The following STK3 variants were observed in gnomAD, a reference collection of about 807,000 sequenced individuals.
STK3 encodes serine/threonine kinase 3, also known as serine/threonine-protein kinase 3.
STK3 carries 41 observed loss-of-function variants against 58.0 expected under a neutral mutation model. That is an observed-to-expected ratio of 0.71 (90% CI 0.55 to 0.92). STK3 has a LOEUF of 0.92. STK3 is among the 40% of genes least tolerant of loss of function. The pLI is 0.00. For synonymous variants in STK3, 170 were observed against 191.0 expected (o/e 0.89, Z 0.91); for missense variants, 479 against 602.7 (o/e 0.79, Z 2.15).
At chr8:98,374,112 G>A (rs973861389) in intron 2 of STK3, among the ~76,000 whole-genome samples, 1 of 152,202 alleles carries the variant, frequency 6.6e-6, no homozygotes, top group South Asian at 2.1e-4. Flanking sequence ...TGAAGCAAAC[G>A]TTTGTATTAT....
At chr8:98,590,301 T>C (rs1815177044) in intron 7 of STK3, among the ~76,000 whole-genome samples, 1 of 152,220 alleles carries the variant, frequency 6.6e-6, no homozygotes, top group African/African-American at 2.4e-5. Flanking sequence ...AGCCTCAATG[T>C]GCCCTGATGC....
At chr8:98,879,622 C>A (rs1837719725), downstream of STK3, 1 of 152,210 alleles carries the variant, frequency 6.6e-6, no homozygotes, top group Non-Finnish European at 1.5e-5. Flanking sequence ...CTATGTCAAT[C>A]CAATCAGCCT....
At chr8:98,701,704 TCA>T (rs1206994200) in intron 6 of STK3, among the ~76,000 whole-genome samples, 2 of 151,468 alleles carry the variant, frequency 1.3e-5, no homozygotes, top group African/African-American at 2.4e-5. Context: ...TCTCTCTCTC[TCA>T]CACTCACTTC....
intron 6 of STK3, among the ~76,000 whole-genome samples, chr8:98,603,077 T>C (rs745350186): frequency 6.6e-6 from 1 of 152,142 alleles, no homozygotes; most frequent in Non-Finnish European, 1.5e-5. Flanking sequence ...TCTGGGTATC[T>C]TGCTAGGCCA....
At chr8:98,431,718 G>T (rs907705789) in intron 3 of STK3, 1 of 167,086 alleles carries the variant, frequency 6.0e-6, no homozygotes, top group Non-Finnish European at 1.5e-5. Context: ...TACCCTAGTG[G>T]TTACCCTTTG....
chr8:98,675,384 G>A (rs930019948), intron 6 of STK3, among the ~76,000 whole-genome samples: 2 of 152,030 alleles, frequency 1.3e-5, no homozygotes, highest in Non-Finnish European at 2.9e-5. Context: ...TTTCTTGCAC[G>A]TCATGAGTTC....
chr8:98,716,098 C>T (rs1826988157), intron 4 of STK3, among the ~76,000 whole-genome samples: 1 of 151,818 alleles, frequency 6.6e-6, no homozygotes, highest in Non-Finnish European at 1.5e-5. Context: ...AACACATGGA[C>T]ACAGGAAGGG....
rs1273771278 is a variant in STK3 at position 98,526,777 on chromosome 8, T to A, written c.1282A>T (p.Asn428Tyr). The A allele has an allele frequency of 4.4e-6, 7 of 1,583,932 alleles. No individual in the cohort carries two copies. The highest frequency in any genetic ancestry group is 6.0e-6 in the Non-Finnish European group (7 of 1,163,876). Residue 428 changes from asparagine (N) to tyrosine (Y), a missense_variant, in exon 10 of 11, where the codon AAC becomes TAC. Asn to Tyr is a moderately radical substitution (Grantham distance 143, BLOSUM62 -2). Transcript: ENST00000419617. The part of the protein sequence containing the change: ...FPMSKNVFPD[N>Y]WKVPQDGDFD... ...TCTCCATCTTGAGGAACTTTCCAGTTATCAGGAAAAACGTTTTTGGACATA... is the reference window on the plus strand; with the variant it reads ...TCTCCATCTTGAGGAACTTTCCAGTAATCAGGAAAAACGTTTTTGGACATA...
At chr8:98,681,793 T>C (rs911186099) in intron 6 of STK3, among the ~76,000 whole-genome samples, 2 of 152,188 alleles carry the variant, frequency 1.3e-5, no homozygotes, top group African/African-American at 4.8e-5. Context: ...AGCTGGAGTG[T>C]GGTTTAGGAA....
chr8:98,639,213 G>A (rs542268787), intron 6 of STK3, among the ~76,000 whole-genome samples: 1 of 150,874 alleles, frequency 6.6e-6, no homozygotes, highest in Admixed American at 6.6e-5. Context: ...GGGCTCAACC[G>A]ATCCTCTCAC....
At chr8:98,347,405 C>T in the STK3 span, among the ~76,000 whole-genome samples, 6 of 151,598 alleles carry the variant, frequency 4.0e-5, no homozygotes, top group African/African-American at 1.2e-4. Context: ...GTCCCAGCTA[C>T]TCGGGAGGCT....
In STK3 at chr8:98,518,415, A is replaced by G. The variant is rs2131440170; in HGVS notation, c.1317+8327T>C. On this transcript the variant is annotated intron_variant, in intron 10 of 10. Coordinates refer to ENST00000419617, the MANE Select transcript of STK3 (RefSeq NM_006281.4). ...AAGTGAAACGCTCATTCTACCTCAG[A>G]TAGCCAAGTGGATTAAATTCTACTA... 1.3e-5 allele frequency among the ~76,000 whole-genome samples: 2 copies of G among 152,268 alleles called. 1 individual carries two copies. The highest frequency in any genetic ancestry group is 3.9e-4 in the East Asian group (2 of 5,174).
At chr8:98,589,777 C>T (rs954514306) in intron 7 of STK3, among the ~76,000 whole-genome samples, 1 of 152,214 alleles carries the variant, frequency 6.6e-6, no homozygotes, top group Non-Finnish European at 1.5e-5. Flanking sequence ...CCCTCTGAGC[C>T]AGGTGCGGGA....
chr8:98,476,428 C>T (rs938435393), intron 10 of STK3, among the ~76,000 whole-genome samples: 3 of 152,124 alleles, frequency 2.0e-5, no homozygotes, highest in Non-Finnish European at 4.4e-5. Context: ...TAAAGTTATA[C>T]TTTATATTTA....
downstream of STK3, chr8:98,882,093 T>C (rs548540557): frequency 2.6e-5 from 4 of 152,288 alleles, no homozygotes; most frequent in South Asian, 6.2e-4. Flanking sequence ...CTATATTCTT[T>C]ATGTAATAAT....
intron 8 of STK3, among the ~76,000 whole-genome samples, chr8:98,575,702 G>A (rs1207482547): frequency 6.6e-6 from 1 of 151,024 alleles, no homozygotes; most frequent in East Asian, 1.9e-4. Context: ...GAATTCCTGG[G>A]CTCGGGCGAT....
intron 3 of STK3, among the ~76,000 whole-genome samples, chr8:98,848,459 G>A (rs1247930538): frequency 1.3e-5 from 2 of 152,110 alleles, no homozygotes; most frequent in Admixed American, 1.3e-4. Flanking sequence ...GTGTTGGTAA[G>A]GCTGGTCTCG....
chr8:98,659,786 G>C (rs1391600190), intron 6 of STK3, among the ~76,000 whole-genome samples: 1 of 151,614 alleles, frequency 6.6e-6, no homozygotes, highest in East Asian at 1.9e-4. Context: ...CAATACATAA[G>C]TTAGCAATAT....
chr8:98,840,903 T>C (rs554024570), intron 3 of STK3, among the ~76,000 whole-genome samples: 1 of 152,124 alleles, frequency 6.6e-6, no homozygotes, highest in South Asian at 2.1e-4. Context: ...ACCTCAAGAT[T>C]TAACTGGGAC....
Sources: allele counts gnomAD v4.1 joint callset (sites outside exome capture counted in the v4.1 genomes callset), GRCh38; gene constraint gnomAD v4.1.1; transcripts MANE v1.5; gene names NCBI Gene and HGNC (gene_info 2026-07-23, HGNC 2026-07-21).